The following NUP50 variants were observed in gnomAD, a reference collection of about 807,000 sequenced individuals.
NUP50 encodes the protein nucleoporin 50, also known as nuclear pore complex protein Nup50.
Under a neutral mutation model 36.8 loss-of-function variants are expected in NUP50, and 14 were observed. The ratio of observed to expected loss-of-function variants is 0.38; its 90% CI spans 0.25 to 0.59. The LOEUF (loss-of-function observed/expected upper bound fraction) is 0.59. Ranked by LOEUF, NUP50 falls within the 20% of genes least tolerant of loss-of-function variation. NUP50 has a pLI of 0.63. For missense variants in NUP50, 455 were observed against 564.6 expected (o/e 0.81, Z 1.97); for synonymous variants, 195 against 210.8 (o/e 0.93, Z 0.65).
chr22:45,178,118 TG>T, intron 4 of NUP50, 119 bp from the exon 5 acceptor site: 1 of 880,892 alleles, frequency 1.1e-6, no homozygotes, highest in South Asian at 1.7e-5. Context: ...AGAGCAAGAC[TG>T]TCTTGGTGTG....
intron 5 of NUP50, 42 bp from the exon 6 acceptor site, chr22:45,181,244 C>T: frequency 7.6e-7 from 1 of 1,319,398 alleles, no homozygotes; most frequent in Non-Finnish European, 1.0e-6. Flanking sequence ...TCTTTAAGCT[C>T]TGGATTGGAA....
intron 7 of NUP50, chr22:45,184,155 G>C (rs1053281717): frequency 1.5e-5 from 6 of 396,414 alleles, no homozygotes; most frequent in Non-Finnish European, 2.3e-5. Context: ...GTGCAAAGAC[G>C]GACAGTGTTG....
chr22:45,177,265 C>T (rs959383633), intron 4 of NUP50, among the ~76,000 whole-genome samples: 1 of 152,168 alleles, frequency 6.6e-6, no homozygotes, highest in African/African-American at 2.4e-5. Context: ...ACTGCAGCCA[C>T]AACCTCCCGA....
chr22:45,172,921 GA>G (rs928582279), intron 3 of NUP50, among the ~76,000 whole-genome samples: 6 of 152,126 alleles, frequency 3.9e-5, no homozygotes, highest in African/African-American at 1.4e-4. Flanking sequence ...AGTGTAATTC[GA>G]GGCAGAGATA....
Position 45,178,554 on chromosome 22 carries a change from A to G in NUP50, c.657A>G (p.Thr219=), listed in dbSNP as rs2074314045. Residue 219 remains threonine, a synonymous_variant, in exon 5 of 8, where the codon ACA becomes ACG. Transcript: ENST00000347635. Reference sequence around the variant, plus strand: ...AATCTAACAAAGTGGCAGCTGAAACACAGTCTCCTTCCCTTTTTGGCTCAA... The same window carrying G: ...AATCTAACAAAGTGGCAGCTGAAACGCAGTCTCCTTCCCTTTTTGGCTCAA... The part of the protein sequence containing the change: ...ESESNKVAAE[T]QSPSLFGSTK... 5 of 1,612,076 alleles carry G rather than the reference A, an allele frequency of 3.1e-6. No homozygotes were observed. Among genetic ancestry groups the G allele is most frequent in the Middle Eastern group, 2.3e-4 (1 of 4,438 alleles).
intron 4 of NUP50, among the ~76,000 whole-genome samples, chr22:45,177,073 G>T (rs1197302476): frequency 6.6e-6 from 1 of 152,100 alleles, no homozygotes; most frequent in East Asian, 1.9e-4. Flanking sequence ...CCATCCCCTA[G>T]TATCCTGGGG....
chr22:45,175,734 C>A, intron 3 of NUP50, 160 bp from the exon 4 acceptor site: 1 of 581,702 alleles, frequency 1.7e-6, no homozygotes, highest in Admixed American at 3.2e-5. Flanking sequence ...ACAATCTTCC[C>A]ATCTCATTTC....
intron 2 of NUP50, chr22:45,171,042 G>C (rs914465702): frequency 8.4e-6 from 11 of 1,303,916 alleles, no homozygotes; most frequent in Non-Finnish European, 1.1e-5. Context: ...TTTCTGACGT[G>C]GACATCAGAA....
At chr22:45,181,444 C>T (rs918765767) in intron 6 of NUP50, 77 bp downstream of exon 6, 25 of 819,130 alleles carry the variant, frequency 3.1e-5, no homozygotes, top group Non-Finnish European at 3.9e-5. Context: ...AATGTCCTCA[C>T]GGCACTTGAC....
rs1348617002 is a variant in NUP50 at position 45,185,633 on chromosome 22, G to T, written c.*978G>T. 1 of 152,206 alleles carries T rather than the reference G, an allele frequency of 6.6e-6. No homozygotes were observed. Among genetic ancestry groups the T allele is most frequent in the South Asian group, 2.1e-4 (1 of 4,830 alleles). The allele number at this position is 152,206 out of a possible 1,614,324, so 9.4% of individuals were successfully genotyped here. ...ATAAAGTCATGGAAGAGAAAATCGT[G>T]TGTAAACTTTGCCTTTAACTTTAGA... On this transcript the variant is annotated 3_prime_UTR_variant, in exon 8 of 8. Transcript: ENST00000347635.
Position 45,168,206 on chromosome 22 carries a change from T to G in NUP50, c.29T>G (p.Leu10Arg). Residue 10 changes from leucine to arginine, a missense_variant, in exon 2 of 8, where the codon CTG becomes CGG. By Grantham distance (102) the Leu-to-Arg change is moderately radical (BLOSUM62 -2). Transcript: ENST00000347635. ...GCCAAAAGAAATGCCGAGAAGGAAC[T>G]GACAGATAGGAATTGGGATCAAGAA... MAKRNAEKE[L>R]TDRNWDQEDE... The G allele has an allele frequency of 1.9e-6, 3 of 1,612,278 alleles. No homozygotes were observed.
chr22:45,174,602 C>T (rs1442765062), intron 3 of NUP50, among the ~76,000 whole-genome samples: 1 of 152,142 alleles, frequency 6.6e-6, no homozygotes, highest in African/African-American at 2.4e-5. Flanking sequence ...TTTCTAAAAT[C>T]CCTACAAGTG....
At chr22:45,170,308 C>T (rs578139898) in intron 2 of NUP50, among the ~76,000 whole-genome samples, 15 of 150,880 alleles carry the variant, frequency 9.9e-5, no homozygotes, top group Non-Finnish European at 1.9e-4. Context: ...GTCTTTATTT[C>T]TTACAATCTC....
chr22:45,182,623 G>GTTTT (rs550478534), intron 6 of NUP50, among the ~76,000 whole-genome samples: 14,433 of 95,778 alleles, frequency 0.15, 2,081 homozygotes, highest in Non-Finnish European at 0.19. Flanking sequence ...CTTGAGGTTT[G>GTTTT]TTTTTTTTTT....
intron 6 of NUP50, 98 bp from the exon 7 acceptor site, chr22:45,183,304 A>G (rs561636003): frequency 9.7e-6 from 7 of 724,744 alleles, no homozygotes; most frequent in Admixed American, 8.7e-5. Flanking sequence ...CTCATTTAAT[A>G]GAGATTTTCC....
At position 45,184,981 on chromosome 22, in the gene NUP50, C is replaced by T; in HGVS notation, c.*326C>T. On this transcript the variant is annotated 3_prime_UTR_variant, in exon 8 of 8. Coordinates refer to ENST00000347635, the MANE Select transcript of NUP50 (RefSeq NM_007172.4). Reference sequence around the variant, plus strand: ...GTATCAATTTGCTTTCCCAAAGGCTCTTCCAACCCGTGGGTTTTGGGGTCC... The same window carrying T: ...GTATCAATTTGCTTTCCCAAAGGCTTTTCCAACCCGTGGGTTTTGGGGTCC... The T allele has an allele frequency of 3.0e-6, 1 of 331,486 alleles. No homozygotes were observed. Among genetic ancestry groups the T allele is most frequent in the Non-Finnish European group, 5.7e-6 (1 of 175,240 alleles). The allele number at this position is 331,486 out of a possible 1,614,324, so 20.5% of individuals were successfully genotyped here.
intron 2 of NUP50, chr22:45,171,134 C>T (rs897834305): frequency 1.5e-5 from 19 of 1,232,310 alleles, no homozygotes; most frequent in African/African-American, 6.3e-5. Context: ...CGTGGCCTTT[C>T]GTACAGTGGG....
chr22:45,173,112 C>T (rs756963611), intron 3 of NUP50, among the ~76,000 whole-genome samples: 8 of 152,242 alleles, frequency 5.3e-5, no homozygotes, highest in African/African-American at 7.2e-5. Flanking sequence ...TTCAGGTTAA[C>T]GGGTTGCACT....
rs185516980 is a variant in NUP50 at position 45,174,005 on chromosome 22, C to T, written c.154-1889C>T. On this transcript the variant is annotated intron_variant, in intron 3 of 7. Coordinates refer to ENST00000347635, the MANE Select transcript of NUP50 (RefSeq NM_007172.4). Reference sequence around the variant, plus strand: ...GTGGATTCAGTAGATCTGCTAAGCACTGGAGATGTATTGGTGAGTAAAAAA... The same window carrying T: ...GTGGATTCAGTAGATCTGCTAAGCATTGGAGATGTATTGGTGAGTAAAAAA... Among the ~76,000 whole-genome samples, 598 of 152,238 alleles carry T rather than the reference C, an allele frequency of 3.9e-3. 2 individuals are homozygous for T. The highest frequency in any genetic ancestry group is 0.014 in the African/African-American group (562 of 41,524).
Sources: gnomAD v4.1 joint callset for allele counts (sites outside exome capture counted in the v4.1 genomes callset) on GRCh38, gnomAD v4.1.1 for gene constraint, MANE v1.5 for transcripts, NCBI Gene and HGNC (gene_info 2026-07-23, HGNC 2026-07-21) for gene names.